CCDC7: variants seen among roughly 807,000 people sequenced by gnomAD.
CCDC7 encodes the protein coiled-coil domain containing 7.
A neutral mutation model predicts 196.9 loss-of-function variants in CCDC7; 183 were observed. The ratio of observed to expected loss-of-function variants is 0.93; its 90% CI spans 0.82 to 1.05. The LOEUF is 1.05. CCDC7 is among the 50% of genes least tolerant of loss of function. CCDC7 has a pLI of 0.00. For missense variants in CCDC7, 1,540 were observed against 1,482.2 expected (o/e 1.04, Z -0.64); for synonymous variants, 525 against 484.6 (o/e 1.08, Z -1.10).
chr10:32,624,951 C>T (rs1306825159), intron 18 of CCDC7, among the ~76,000 whole-genome samples: 1 of 108,952 alleles, frequency 9.2e-6, no homozygotes, highest in African/African-American at 3.2e-5. Flanking sequence ...GTTGCCTTTT[C>T]ATTTCGTTGA....
At chr10:32,634,771 A>T (rs1175939549) in intron 19 of CCDC7, among the ~76,000 whole-genome samples, 1 of 152,178 alleles carries the variant, frequency 6.6e-6, no homozygotes, top group African/African-American at 2.4e-5. Flanking sequence ...TAATTTGTAG[A>T]AATTTTATAC....
intron 21 of CCDC7, among the ~76,000 whole-genome samples, chr10:32,665,092 T>C (rs1319728199): frequency 6.6e-6 from 1 of 152,088 alleles, no homozygotes; most frequent in Non-Finnish European, 1.5e-5. Context: ...ATATACCTGT[T>C]GGCTATTTGC....
In CCDC7 at chr10:32,708,480, T is replaced by C. The variant is rs370048691; in HGVS notation, c.2459-3140T>C. 5.6e-4 allele frequency among the ~76,000 whole-genome samples: 86 copies of C among 152,296 alleles called. 1 individual carries two copies. The East Asian group carries it at 9.7e-3, about 17-fold the overall frequency. ...GCCAAAATAGACAAATGGGATCTAA[T>C]TAAACTGAAGAGCTTCTGCACAGCA... On this transcript the variant is annotated intron_variant, in intron 24 of 41. Transcript: ENST00000639629.
chr10:32,625,778 G>A (rs1331400144), intron 18 of CCDC7, among the ~76,000 whole-genome samples: 1 of 151,962 alleles, frequency 6.6e-6, no homozygotes, highest in Non-Finnish European at 1.5e-5. Flanking sequence ...CTGCTTCTAT[G>A]AGTTCAGTTG....
At chr10:32,782,941 T>C (rs1236641417) in intron 29 of CCDC7, among the ~76,000 whole-genome samples, 1 of 152,232 alleles carries the variant, frequency 6.6e-6, no homozygotes, top group African/African-American at 2.4e-5. Flanking sequence ...AAAAAGACAG[T>C]CTTTTCCACA....
chr10:32,713,597 TC>T (rs2141957772), intron 25 of CCDC7, among the ~76,000 whole-genome samples: 1 of 152,356 alleles, frequency 6.6e-6, no homozygotes, highest in South Asian at 2.1e-4. Flanking sequence ...AAAATAGCAC[TC>T]ATACTGTTCA....
At chr10:32,532,852 TGTGTG>T (rs2049891449) in intron 11 of CCDC7, among the ~76,000 whole-genome samples, 1 of 152,138 alleles carries the variant, frequency 6.6e-6, no homozygotes, top group Admixed American at 6.5e-5. Context: ...TTTCAGGCTG[TGTGTG>T]TCTTTAGGGT....
chr10:32,608,465 T>C (rs1455774751), intron 18 of CCDC7, among the ~76,000 whole-genome samples: 4 of 152,174 alleles, frequency 2.6e-5, no homozygotes, highest in Non-Finnish European at 5.9e-5. Flanking sequence ...AGTACTGCTT[T>C]TGTTACATTC....
At chr10:32,698,133 C>T (rs1326081547) in intron 24 of CCDC7, among the ~76,000 whole-genome samples, 11 of 152,186 alleles carry the variant, frequency 7.2e-5, no homozygotes, top group Admixed American at 7.2e-4. Flanking sequence ...AGAAGAAAAA[C>T]TAACAGAAAG....
exon 17 of CCDC7, chr10:32,583,238 A>T: frequency 8.1e-7 from 1 of 1,231,526 alleles, no homozygotes; most frequent in Non-Finnish European, 1.0e-6. Flanking sequence ...CTGTTGGAAC[A>T]TTGGCTCAAA....
intron 18 of CCDC7, among the ~76,000 whole-genome samples, chr10:32,616,250 G>A (rs772201098): frequency 2.0e-5 from 3 of 152,008 alleles, no homozygotes; most frequent in Non-Finnish European, 4.4e-5. Context: ...ACTTTGGGTA[G>A]TATGGTCATT....
At chr10:32,460,449 A>G (rs553030628) in intron 3 of CCDC7, among the ~76,000 whole-genome samples, 150 of 152,268 alleles carry the variant, frequency 9.9e-4, no homozygotes, top group Non-Finnish European at 1.4e-3. Context: ...GTTCTCGTTA[A>G]ACTAGGAGTG....
intron 40 of CCDC7, among the ~76,000 whole-genome samples, chr10:32,852,564 C>T (rs189246420): frequency 6.6e-6 from 1 of 152,066 alleles, no homozygotes; most frequent in African/African-American, 2.4e-5. Flanking sequence ...CTCACTGCAA[C>T]CTCCACCTTC....
intron 21 of CCDC7, among the ~76,000 whole-genome samples, chr10:32,668,043 A>C (rs1310665851): frequency 6.6e-6 from 1 of 151,640 alleles, no homozygotes; most frequent in Admixed American, 6.6e-5. Context: ...CTTTTATTTC[A>C]TTGAGCAGTG....
At chr10:32,680,907 T>C (rs956391084) in intron 21 of CCDC7, among the ~76,000 whole-genome samples, 2 of 152,196 alleles carry the variant, frequency 1.3e-5, no homozygotes, top group African/African-American at 4.8e-5. Flanking sequence ...CACCAGGCTC[T>C]CTGACTCATT....
chr10:32,766,336 C>T (rs944810414), intron 28 of CCDC7, among the ~76,000 whole-genome samples: 3 of 151,902 alleles, frequency 2.0e-5, no homozygotes, highest in Non-Finnish European at 4.4e-5. Context: ...CTGTGGCTCA[C>T]TCACTTACTG....
chr10:32,451,758 A>G (rs967507586), exon 1 of CCDC7: 8 of 1,614,094 alleles, frequency 5.0e-6, no homozygotes, highest in South Asian at 1.1e-5. Context: ...AAGGAAAAAC[A>G]TAATGCAAAA....
intron 18 of CCDC7, among the ~76,000 whole-genome samples, chr10:32,629,884 T>G (rs1478874300): frequency 6.6e-6 from 1 of 152,180 alleles, no homozygotes; most frequent in Non-Finnish European, 1.5e-5. Context: ...AAGAAAGCGC[T>G]AGAGTGCCTA....
intron 18 of CCDC7, among the ~76,000 whole-genome samples, chr10:32,602,199 G>C (rs1217935821): frequency 6.6e-6 from 1 of 151,874 alleles, no homozygotes; most frequent in African/African-American, 2.4e-5. Context: ...CCACCTTTAA[G>C]AGCTGTTAAC....
Sources: allele counts gnomAD v4.1 joint callset (sites outside exome capture counted in the v4.1 genomes callset), GRCh38; gene constraint gnomAD v4.1.1; transcripts MANE v1.5; gene names NCBI Gene and HGNC (gene_info 2026-07-23, HGNC 2026-07-21).